SPATS2: variants seen among roughly 807,000 people sequenced by gnomAD.
SPATS2 encodes the protein spermatogenesis-associated serine-rich protein 2.
SPATS2 carries 38 observed loss-of-function variants against 63.7 expected under a neutral mutation model. The ratio of observed to expected loss-of-function variants is 0.60; its 90% CI spans 0.46 to 0.78. The LOEUF (loss-of-function observed/expected upper bound fraction) is 0.78. Among genes scored for constraint, SPATS2 ranks in the 30% least tolerant of loss-of-function variants. SPATS2 has a pLI of 0.00. For missense variants in SPATS2, 588 were observed against 666.2 expected (o/e 0.88, Z 1.29); for synonymous variants, 207 against 232.9 (o/e 0.89, Z 1.01).
chr12:49,455,342 G>A (rs1158552592), intron 2 of SPATS2, among the ~76,000 whole-genome samples: 2 of 152,140 alleles, frequency 1.3e-5, no homozygotes, highest in Admixed American at 6.5e-5. Context: ...AGCCAGAGGT[G>A]TGTGGATAGT....
chr12:49,467,319 T>C lies in SPATS2; in HGVS notation c.25+6282T>C, dbSNP rs370027995. ...CCTCGTGATCCGCCCACCTTGGCCT[T>C]CCAAAGTGCTGGGATTATAGGCGTG... On this transcript the variant is annotated intron_variant, in intron 3 of 13. Coordinates refer to ENST00000552918, the MANE Select transcript of SPATS2 (RefSeq NM_023071.4). Among the ~76,000 whole-genome samples, 71 of 151,754 alleles carry C rather than the reference T, an allele frequency of 4.7e-4. No individual in the cohort carries two copies. In the South Asian group the frequency reaches 0.012, roughly 26 times the overall value.
At chr12:49,476,808 A>G (rs1349923176) in intron 3 of SPATS2, among the ~76,000 whole-genome samples, 4 of 152,238 alleles carry the variant, frequency 2.6e-5, no homozygotes, top group South Asian at 2.1e-4. Context: ...GAGACCCTCA[A>G]TAGTTCTTGG....
At chr12:49,382,400 A>G (rs1944238162) in intron 2 of SPATS2, among the ~76,000 whole-genome samples, 1 of 152,230 alleles carries the variant, frequency 6.6e-6, no homozygotes, top group Non-Finnish European at 1.5e-5. Context: ...TCTCTTTTTT[A>G]TCCTTCCAAA....
chr12:49,379,633 T>TC (rs1380482006), intron 2 of SPATS2, among the ~76,000 whole-genome samples: 22 of 149,766 alleles, frequency 1.5e-4, no homozygotes, highest in African/African-American at 4.4e-4. Context: ...ATTTTTTTTT[T>TC]TTTTTTTTGG....
chr12:49,402,889 A>G (rs764433769), intron 2 of SPATS2, among the ~76,000 whole-genome samples: 6 of 152,172 alleles, frequency 3.9e-5, no homozygotes, highest in Non-Finnish European at 8.8e-5. Flanking sequence ...GGATAGGACT[A>G]TAGAGAGAAC....
chr12:49,466,591 T>C (rs1422106559), intron 3 of SPATS2, among the ~76,000 whole-genome samples: 1 of 152,232 alleles, frequency 6.6e-6, no homozygotes, highest in East Asian at 1.9e-4. Flanking sequence ...CTGACACCTT[T>C]GTTGAAAATC....
At chr12:49,390,270 T>C in intron 2 of SPATS2, 2 of 619,552 alleles carry the variant, frequency 3.2e-6, no homozygotes, top group Non-Finnish European at 5.5e-6. Context: ...TCTTTAAATA[T>C]GTACAGTGTA....
intron 2 of SPATS2, among the ~76,000 whole-genome samples, chr12:49,397,608 G>C (rs992936375): frequency 3.3e-5 from 5 of 151,884 alleles, no homozygotes; most frequent in Non-Finnish European, 7.4e-5. Context: ...TGGGAGGATC[G>C]CTTAAGGCCA....
intron 2 of SPATS2, among the ~76,000 whole-genome samples, chr12:49,407,926 C>T (rs2137336393): frequency 6.6e-6 from 1 of 152,296 alleles, no homozygotes; most frequent in East Asian, 1.9e-4. Flanking sequence ...GTATGTCCAG[C>T]AAAGCCTAAA....
chr12:49,460,746 G>C (rs1945807989), intron 2 of SPATS2, 24 bp from the exon 3 acceptor site: 2 of 502,684 alleles, frequency 4.0e-6, no homozygotes, highest in Admixed American at 3.6e-5. Context: ...AATAGTATAT[G>C]TGTGTTTGTG....
intron 4 of SPATS2, among the ~76,000 whole-genome samples, chr12:49,489,243 A>G (rs1038966700): frequency 3.3e-5 from 5 of 152,186 alleles, no homozygotes; most frequent in Non-Finnish European, 7.4e-5. Flanking sequence ...ATTTCTAGCA[A>G]TGTTCTGCAT....
At chr12:49,379,635 T>C (rs1420989776) in intron 2 of SPATS2, among the ~76,000 whole-genome samples, 1 of 149,630 alleles carries the variant, frequency 6.7e-6, no homozygotes, top group Non-Finnish European at 1.5e-5. Flanking sequence ...TTTTTTTTTT[T>C]TTTTTTGGAC....
chr12:49,515,075 CTG>C (rs1211247758), intron 10 of SPATS2, among the ~76,000 whole-genome samples: 2 of 152,104 alleles, frequency 1.3e-5, no homozygotes, highest in Non-Finnish European at 2.9e-5. Context: ...CACTCAGTGT[CTG>C]TTATCAATGG....
chr12:49,510,531 C>T (rs1396033979), intron 9 of SPATS2, among the ~76,000 whole-genome samples: 2 of 147,048 alleles, frequency 1.4e-5, no homozygotes, highest in Admixed American at 1.4e-4. Flanking sequence ...TGCCACTGTA[C>T]TCCAGCCTGG....
Position 49,525,950 on chromosome 12 carries a change from C to T in SPATS2, c.1333C>T (p.Pro445Ser), listed in dbSNP as rs757230179. The change falls in exon 14 of 14, where the codon CCA becomes TCA. Residue 445 changes from proline to serine, a missense_variant. Transcript: ENST00000552918. ...TGTATTCTTTCATCTTTAGGTATTG[C>T]CAGGGAACAGACGAGGAGGACAGGG... ...QPYQPLREVL[P>S]GNRRGGQGYR... 6.2e-7 allele frequency: 1 copy of T among 1,612,990 alleles called. No homozygotes were observed. Among genetic ancestry groups the T allele is most frequent in the South Asian group, 1.1e-5 (1 of 90,960 alleles).
intron 2 of SPATS2, among the ~76,000 whole-genome samples, chr12:49,431,417 C>G (rs1333351411): frequency 6.6e-6 from 1 of 151,946 alleles, no homozygotes; most frequent in Admixed American, 6.6e-5. Context: ...CCCAGCTAAT[C>G]TTTTGCTTTT....
At chr12:49,486,230 A>G (rs1427665735) in intron 4 of SPATS2, 1 of 452,848 alleles carries the variant, frequency 2.2e-6, no homozygotes, top group Non-Finnish European at 4.4e-6. Context: ...TGTGAGATGG[A>G]ATTTCACTCT....
Position 49,525,963 on chromosome 12 carries a change from G to A in SPATS2, c.1346G>A (p.Arg449Gln), listed in dbSNP as rs746044495. Reference protein sequence around the residue: ...PLREVLPGNRRGGQGYRPQGQ... With the variant: ...PLREVLPGNRQGGQGYRPQGQ... ...CTTTAGGTATTGCCAGGGAACAGAC[G>A]AGGAGGACAGGGCTATAGGCCACAA... The change falls in exon 14 of 14, where the codon CGA becomes CAA. Residue 449 changes from arginine to glutamine, a missense_variant. Arg to Gln is a conservative substitution (Grantham distance 43). Coordinates refer to ENST00000552918, the MANE Select transcript of SPATS2 (RefSeq NM_023071.4). The A allele has an allele frequency of 1.1e-5, 18 of 1,614,062 alleles. No individual in the cohort carries two copies. Among genetic ancestry groups the A allele is most frequent in the East Asian group, 2.2e-5 (1 of 44,886 alleles).
At chr12:49,449,869 C>T (rs1448048747) in intron 2 of SPATS2, among the ~76,000 whole-genome samples, 1 of 152,196 alleles carries the variant, frequency 6.6e-6, no homozygotes, top group African/African-American at 2.4e-5. Flanking sequence ...GGTGGGGACA[C>T]AGCCAAACCA....
Sources: allele counts gnomAD v4.1 joint callset (sites outside exome capture counted in the v4.1 genomes callset), GRCh38; gene constraint gnomAD v4.1.1; transcripts MANE v1.5; gene names NCBI Gene and HGNC (gene_info 2026-07-23, HGNC 2026-07-21).